The following MITF variants were observed in gnomAD, a reference collection of about 807,000 sequenced individuals.
The protein encoded by MITF is melanocyte inducing transcription factor, also known as microphthalmia-associated transcription factor.
A neutral mutation model predicts 60.5 loss-of-function variants in MITF; 17 were observed. The observed-to-expected ratio is 0.28, with a 90% confidence interval of 0.19 to 0.42. The LOEUF (loss-of-function observed/expected upper bound fraction) is 0.42. Ranked by LOEUF, MITF falls within the 10% of genes least tolerant of loss-of-function variation. The probability of loss-of-function intolerance (pLI) is 1.00; values close to 1 mark genes in which losing one functional copy is unlikely to be tolerated. For synonymous variants in MITF, 260 were observed against 248.5 expected, an observed-to-expected ratio of 1.05 and a Z score of -0.43; for missense variants, 622 against 683.5, an observed-to-expected ratio of 0.91 and a Z score of 1.00.
At chr3:69,893,371 G>A (rs770798014) in intron 2 of MITF, among the ~76,000 whole-genome samples, 3 of 151,920 alleles carry the variant, frequency 2.0e-5, no homozygotes, top group Admixed American at 6.6e-5. Flanking sequence ...GTGTTGAAAG[G>A]CATGGGCTCT....
At chr3:69,782,732 G>A (rs1033353835) in intron 1 of MITF, among the ~76,000 whole-genome samples, 1 of 152,110 alleles carries the variant, frequency 6.6e-6, no homozygotes, top group African/African-American at 2.4e-5. Flanking sequence ...TATTTCTCAG[G>A]ATTTTTAGTT....
chr3:69,747,387 C>T (rs1317026374), intron 1 of MITF, among the ~76,000 whole-genome samples: 1 of 152,238 alleles, frequency 6.6e-6, no homozygotes, highest in East Asian at 1.9e-4. Context: ...GAATATCTGA[C>T]ATAAAGGCAC....
At chr3:69,912,430 A>G (rs774481720) in intron 2 of MITF, among the ~76,000 whole-genome samples, 2 of 152,220 alleles carry the variant, frequency 1.3e-5, no homozygotes, top group Non-Finnish European at 2.9e-5. Flanking sequence ...AAGGTAAGGA[A>G]TACTTTCAGG....
chr3:69,934,134 G>C (rs2065781268), intron 2 of MITF, among the ~76,000 whole-genome samples: 1 of 152,166 alleles, frequency 6.6e-6, no homozygotes, highest in South Asian at 2.1e-4. Flanking sequence ...CCACATTCTA[G>C]ATCAGGGGTT....
intron 2 of MITF, among the ~76,000 whole-genome samples, chr3:69,914,160 C>T (rs1455098205): frequency 3.3e-5 from 5 of 152,132 alleles, no homozygotes; most frequent in Non-Finnish European, 7.4e-5. Flanking sequence ...CTCACTTTGT[C>T]ACCCAGGCTG....
chr3:69,858,858 G>A (rs936655595), intron 1 of MITF, among the ~76,000 whole-genome samples: 3 of 152,136 alleles, frequency 2.0e-5, no homozygotes, highest in African/African-American at 7.2e-5. Flanking sequence ...AAAGTTCTTT[G>A]AGGCTCTAAG....
chr3:69,963,322 A>G (rs1408403962), intron 9 of MITF, among the ~76,000 whole-genome samples: 2 of 152,202 alleles, frequency 1.3e-5, no homozygotes, highest in South Asian at 4.1e-4. Flanking sequence ...TGATGCTTCT[A>G]AAACTTTAGT....
At chr3:69,894,222 A>G (rs1399256458) in intron 2 of MITF, among the ~76,000 whole-genome samples, 1 of 152,256 alleles carries the variant, frequency 6.6e-6, no homozygotes, top group African/African-American at 2.4e-5. Context: ...CACAGGGCCT[A>G]CATTGCAGAA....
At chr3:69,895,484 A>C (rs1384851213) in intron 2 of MITF, among the ~76,000 whole-genome samples, 3 of 151,974 alleles carry the variant, frequency 2.0e-5, no homozygotes, top group Admixed American at 1.3e-4. Flanking sequence ...TTGTCAACTA[A>C]ACTGCCACGA....
At chr3:69,750,216 C>A (rs1028860762) in intron 1 of MITF, among the ~76,000 whole-genome samples, 5 of 151,952 alleles carry the variant, frequency 3.3e-5, no homozygotes, top group African/African-American at 4.8e-5. Flanking sequence ...TTTCATGGCT[C>A]CAGGAGTGGA....
chr3:69,801,225 G>A (rs1193860299), intron 1 of MITF, among the ~76,000 whole-genome samples: 1 of 151,796 alleles, frequency 6.6e-6, no homozygotes, highest in African/African-American at 2.4e-5. Context: ...TAAAATATCA[G>A]GACTAAAGGC....
At chr3:69,908,832 A>ACGTAGATTT (rs1333960577) in intron 2 of MITF, among the ~76,000 whole-genome samples, 1 of 152,240 alleles carries the variant, frequency 6.6e-6, no homozygotes, top group Non-Finnish European at 1.5e-5. Context: ...GAGCTAACAC[A>ACGTAGATTT]GTCTTTTAAG....
At chr3:69,800,790 A>T (rs1424070275) in intron 1 of MITF, among the ~76,000 whole-genome samples, 2 of 152,126 alleles carry the variant, frequency 1.3e-5, no homozygotes, top group East Asian at 1.9e-4. Flanking sequence ...CTAAATTTTG[A>T]ATGGGCCCTC....
intron 1 of MITF, among the ~76,000 whole-genome samples, chr3:69,868,304 T>C (rs1445476556): frequency 6.6e-6 from 1 of 152,154 alleles, no homozygotes; most frequent in Non-Finnish European, 1.5e-5. Flanking sequence ...GAGGCTTGGA[T>C]AGGTGAAAAA....
intron 2 of MITF, among the ~76,000 whole-genome samples, chr3:69,897,955 T>C (rs1559705344): frequency 6.6e-6 from 1 of 152,248 alleles, no homozygotes; most frequent in Non-Finnish European, 1.5e-5. Flanking sequence ...AAAACAAATA[T>C]ATTTATTGAG....
chr3:69,921,832 C>G (rs1222245349), intron 2 of MITF, among the ~76,000 whole-genome samples: 1 of 152,176 alleles, frequency 6.6e-6, no homozygotes, highest in African/African-American at 2.4e-5. Context: ...GATTTCTACA[C>G]TGTGGCATTA....
intron 5 of MITF, among the ~76,000 whole-genome samples, chr3:69,941,729 T>A (rs181452379): frequency 6.6e-6 from 1 of 152,182 alleles, no homozygotes; most frequent in East Asian, 1.9e-4. Flanking sequence ...CTCATATTCT[T>A]AGGTGATAGA....
chr3:69,935,215 A>C (rs1022578300), intron 2 of MITF, among the ~76,000 whole-genome samples: 1 of 152,204 alleles, frequency 6.6e-6, no homozygotes, highest in African/African-American at 2.4e-5. Context: ...AACTTACGTG[A>C]AAAATAAAAA....
intron 1 of MITF, among the ~76,000 whole-genome samples, chr3:69,872,773 G>A (rs974797759): frequency 5.5e-4 from 83 of 152,074 alleles, no homozygotes; most frequent in African/African-American, 9.2e-4. Flanking sequence ...TTTTAGCAGC[G>A]AATTGAGGTC....
Sources: allele counts gnomAD v4.1 joint callset (sites outside exome capture counted in the v4.1 genomes callset), GRCh38; gene constraint gnomAD v4.1.1; transcripts MANE v1.5; gene names NCBI Gene and HGNC (gene_info 2026-07-23, HGNC 2026-07-21).